Variants in JPH3 observed in about 807,000 individuals in gnomAD.
JPH3 encodes junctophilin-3.
In JPH3, 11 loss-of-function variants were observed where a neutral mutation model predicts 59.6. The observed-to-expected ratio is 0.18, with a 90% CI of 0.12 to 0.31. JPH3 has a LOEUF of 0.31. Ranked by LOEUF, JPH3 falls within the 10% of genes least tolerant of loss-of-function variation. JPH3 has a pLI of 1.00. For missense variants in JPH3, 1,202 were observed against 1,105.7 expected (o/e 1.09, Z -1.24); for synonymous variants, 673 against 483.6 (o/e 1.39, Z -5.14).
In JPH3 at chr16:87,645,046, G is replaced by T; in HGVS notation, c.1160+11G>T. The T allele has an allele frequency of 6.3e-7, 1 of 1,593,750 alleles. No homozygotes were observed. ...GATCGCGGCTTCCAGGTAGGAGGGC[G>T]AGGGGGCGGGGGGCCCTTCTTGGTG... On this transcript the variant is annotated intron_variant, in intron 2 of 4. Coordinates refer to ENST00000284262, the MANE Select transcript of JPH3 (RefSeq NM_020655.4).
chr16:87,690,582 G>A, intron 4 of JPH3, 56 bp downstream of exon 4: 2 of 1,415,384 alleles, frequency 1.4e-6, no homozygotes, highest in Non-Finnish European at 1.8e-6. Context: ...CCTCTCTGCT[G>A]ACCTGGTGTT....
intron 2 of JPH3, among the ~76,000 whole-genome samples, chr16:87,681,829 T>G (rs1276870911): frequency 1.3e-5 from 2 of 152,146 alleles, no homozygotes; most frequent in Admixed American, 6.5e-5. Flanking sequence ...CTGGGCTGAT[T>G]TTCGGGCAGG....
Position 87,689,638 on chromosome 16 carries a change from C to G in JPH3, c.1286-8C>G. 2 of 1,610,894 alleles carry G rather than the reference C, an allele frequency of 1.2e-6. No homozygotes were observed. Among genetic ancestry groups the G allele is most frequent in the Admixed American group, 1.7e-5 (1 of 59,860 alleles). On this transcript the variant is annotated splice_polypyrimidine_tract_variant and splice_region_variant and intron_variant, in intron 3 of 4. Transcript: ENST00000284262. ...CGCCGTCTGGCGTCGTCTTGTGTCCCCATACAGGGCTGGAGTACCAGAGGC... is the reference window on the plus strand; with the variant it reads ...CGCCGTCTGGCGTCGTCTTGTGTCCGCATACAGGGCTGGAGTACCAGAGGC...
chr16:87,631,942 C>G (rs999163669), intron 1 of JPH3, among the ~76,000 whole-genome samples: 2 of 151,958 alleles, frequency 1.3e-5, no homozygotes, highest in African/African-American at 4.8e-5. Flanking sequence ...AATTCTGGTC[C>G]CTCGATGTCT....
At chr16:87,674,094 G>A (rs1183060720) in intron 2 of JPH3, among the ~76,000 whole-genome samples, 1 of 151,562 alleles carries the variant, frequency 6.6e-6, no homozygotes, top group African/African-American at 2.4e-5. Flanking sequence ...CAACACTTTC[G>A]GAGGCCGAGG....
At position 87,690,295 on chromosome 16, in the gene JPH3, C is replaced by T. The variant is rs773024520; in HGVS notation, c.1935C>T (p.Pro645=). ...GGGGCTTGGGGGACGACCACCGCCC[C>T]GAGGACCGGGGCTTCGGGGTGCAGA... ...ACRGLGDDHR[P]EDRGFGVQRL... Residue 645 remains proline (P), a synonymous_variant, in exon 4 of 5, where the codon CCC becomes CCT. Transcript: ENST00000284262. The T allele has an allele frequency of 3.8e-6, 6 of 1,597,744 alleles. No homozygotes were observed. In the South Asian group the frequency reaches 4.5e-5, roughly 12 times the overall value.
At chr16:87,695,028 T>G in intron 4 of JPH3, 1 of 327,836 alleles carries the variant, frequency 3.1e-6, no homozygotes, top group Non-Finnish European at 6.0e-6. Flanking sequence ...CACACAAGGT[T>G]TTGAGTGGAG....
intron 2 of JPH3, among the ~76,000 whole-genome samples, chr16:87,650,296 C>T (rs113436403): frequency 2.0e-5 from 3 of 152,212 alleles, no homozygotes; most frequent in African/African-American, 4.8e-5. Context: ...TGGGATGCCA[C>T]ACATCGCACC....
intron 4 of JPH3, chr16:87,695,266 T>C (rs1399662728): frequency 2.2e-6 from 1 of 455,504 alleles, no homozygotes; most frequent in African/African-American, 2.0e-5. Context: ...CACCCCATCA[T>C]GTCTTTGAAA....
At chr16:87,616,378 C>T (rs113344317) in intron 1 of JPH3, among the ~76,000 whole-genome samples, 4,716 of 150,518 alleles carry the variant, frequency 0.031, 184 homozygotes, top group African/African-American at 0.091. Context: ...GGACTACAGG[C>T]GCCCGCCACC....
chr16:87,644,440 C>G lies in JPH3; in HGVS notation c.565C>G (p.Pro189Ala). 3 of 1,612,208 alleles carry G rather than the reference C, an allele frequency of 1.9e-6. No individual in the cohort carries two copies. Among genetic ancestry groups the G allele is most frequent in the Non-Finnish European group, 2.5e-6 (3 of 1,179,450 alleles). ...CGCCTCTCCGGCGGTGGCCGGCAGC[C>G]CGGCCGTGTCCCGCGGGGGCTTCGT... ...PDASPAVAGSPAVSRGGFVLV... is the reference protein window; with the variant it reads ...PDASPAVAGSAAVSRGGFVLV... The change falls in exon 2 of 5, where the codon CCG becomes GCG. Residue 189 changes from proline (P) to alanine (A), a missense_variant. Coordinates refer to ENST00000284262, the MANE Select transcript of JPH3 (RefSeq NM_020655.4).
chr16:87,671,057 G>T (rs1384349597), intron 2 of JPH3, among the ~76,000 whole-genome samples: 1 of 152,178 alleles, frequency 6.6e-6, no homozygotes, highest in Non-Finnish European at 1.5e-5. Context: ...CCCATGCCCA[G>T]CAGGGCCCTG....
intron 4 of JPH3, among the ~76,000 whole-genome samples, chr16:87,691,738 C>G (rs1298710590): frequency 6.6e-6 from 1 of 152,132 alleles, no homozygotes; most frequent in Non-Finnish European, 1.5e-5. Context: ...AAGATGCCTC[C>G]CCGTTCCCCA....
chr16:87,677,628 C>T lies in JPH3; in HGVS notation c.1161-6514C>T, dbSNP rs113044967. Among the ~76,000 whole-genome samples the T allele has an allele frequency of 4.9e-4, 75 of 152,316 alleles. 1 individual carries two copies. The highest frequency in any genetic ancestry group is 3.4e-3 in the Middle Eastern group (1 of 294). On this transcript the variant is annotated intron_variant, in intron 2 of 4. Transcript: ENST00000284262. ...TAAAGCAGCTGGTGAACGTGGACAG[C>T]GTGGCCCCCGTCATACCTTCTCGCC...
At chr16:87,617,431 G>A (rs947076186) in intron 1 of JPH3, among the ~76,000 whole-genome samples, 5 of 152,034 alleles carry the variant, frequency 3.3e-5, no homozygotes, top group African/African-American at 7.2e-5. Context: ...AGATGTCTTC[G>A]CTTTCCCCCA....
intron 4 of JPH3, 94 bp downstream of exon 4, chr16:87,690,620 C>T: frequency 3.9e-6 from 5 of 1,284,858 alleles, no homozygotes; most frequent in Non-Finnish European, 5.1e-6. Context: ...AAGGTCACTG[C>T]TCCCCTGTTC....
At chr16:87,653,342 C>T (rs2032388557) in intron 2 of JPH3, among the ~76,000 whole-genome samples, 1 of 152,198 alleles carries the variant, frequency 6.6e-6, no homozygotes, top group Admixed American at 6.5e-5. Flanking sequence ...CCCCGCTCTG[C>T]TCTCTGCTGT....
chr16:87,659,233 C>G (rs555471772), intron 2 of JPH3, among the ~76,000 whole-genome samples: 31 of 151,760 alleles, frequency 2.0e-4, no homozygotes, highest in African/African-American at 7.5e-4. Context: ...AAAATTCAGC[C>G]GGGTATGGTG....
chr16:87,683,878 T>G lies in JPH3; in HGVS notation c.1161-264T>G, dbSNP rs1567613415. The G allele has an allele frequency of 5.6e-5, 24 of 431,030 alleles. 1 individual carries two copies. In the South Asian group the frequency reaches 7.1e-4, roughly 13 times the overall value. The allele number at this position is 431,030 out of a possible 1,614,324, so 26.7% of individuals were successfully genotyped here. A position where few individuals can be genotyped will look rare whatever the true frequency, so the allele number is the denominator to read the frequency against. ...GCCTTGGCCTCCCAAAGTGCTGGGA[T>G]TACAGGCGTGAGCCACCATGCCCTG... is the stretch of plus-strand genomic sequence containing the variant. On this transcript the variant is annotated intron_variant, in intron 2 of 4. Coordinates refer to ENST00000284262, the MANE Select transcript of JPH3 (RefSeq NM_020655.4).
Sources: allele counts gnomAD v4.1 joint callset (sites outside exome capture counted in the v4.1 genomes callset), GRCh38; gene constraint gnomAD v4.1.1; transcripts MANE v1.5; gene names NCBI Gene and HGNC (gene_info 2026-07-23, HGNC 2026-07-21).